The following N4BP1 variants were observed in gnomAD, a reference collection of about 807,000 sequenced individuals.
N4BP1 encodes the protein NEDD4-binding protein 1.
In N4BP1, 21 loss-of-function variants were observed where a neutral mutation model predicts 70.9. That is an observed-to-expected ratio of 0.30 (90% CI 0.21 to 0.43). The LOEUF (loss-of-function observed/expected upper bound fraction) is 0.43, where lower values mean the gene tolerates loss of function less well. N4BP1 is among the 20% of genes least tolerant of loss of function. The pLI is 1.00. For synonymous variants in N4BP1, 387 were observed against 394.6 expected (o/e 0.98, Z 0.23); for missense variants, 936 against 1,069.4 (o/e 0.88, Z 1.74).
At chr16:48,597,674 T>A (rs905195111) in intron 1 of N4BP1, among the ~76,000 whole-genome samples, 4 of 152,118 alleles carry the variant, frequency 2.6e-5, no homozygotes, top group Non-Finnish European at 4.4e-5. Flanking sequence ...ATGAATGATA[T>A]CTACACTTTG....
At chr16:48,581,210 C>CA (rs1964170376) in intron 1 of N4BP1, among the ~76,000 whole-genome samples, 3 of 149,858 alleles carry the variant, frequency 2.0e-5, no homozygotes, top group Non-Finnish European at 3.0e-5. Flanking sequence ...CAATGAATGC[C>CA]AAAAAAGCAT....
intron 1 of N4BP1, among the ~76,000 whole-genome samples, chr16:48,589,013 T>A (rs1273468567): frequency 6.6e-6 from 1 of 152,198 alleles, no homozygotes; most frequent in Non-Finnish European, 1.5e-5. Context: ...TTGCTTGACA[T>A]ATTTACATTA....
intron 4 of N4BP1, among the ~76,000 whole-genome samples, chr16:48,550,212 T>C (rs1399580910): frequency 6.6e-6 from 1 of 152,242 alleles, no homozygotes; most frequent in African/African-American, 2.4e-5. Context: ...AATAAAGTTT[T>C]TAGAAAAAAT....
At chr16:48,587,299 AG>A (rs1964259653) in intron 1 of N4BP1, 1 of 152,224 alleles carries the variant, frequency 6.6e-6, no homozygotes, top group African/African-American at 2.4e-5. Context: ...ACTACACCAA[AG>A]GATTCAGTCG....
At position 48,609,170 on chromosome 16, in the gene N4BP1, G is replaced by A. The variant is rs527537804; in HGVS notation, c.198+605C>T. ...GTCGAGGCTGCAGTGAACTGAGACC[G>A]CGCCACACTGCACTCCACTGTGGGT... is the stretch of plus-strand genomic sequence containing the variant. On this transcript the variant is annotated intron_variant, in intron 1 of 6. Coordinates refer to ENST00000262384, the MANE Select transcript of N4BP1 (RefSeq NM_153029.4). Among the ~76,000 whole-genome samples the A allele has an allele frequency of 2.0e-4, 30 of 152,234 alleles. No homozygotes were observed. In the South Asian group the frequency reaches 6.2e-3, roughly 32 times the overall value.
At chr16:48,573,597 CA>C (rs1179838353) in intron 1 of N4BP1, among the ~76,000 whole-genome samples, 1 of 151,704 alleles carries the variant, frequency 6.6e-6, no homozygotes, top group Non-Finnish European at 1.5e-5. Flanking sequence ...TGTCTCAAAA[CA>C]AAAAACAAAC....
chr16:48,550,376 G>A lies in N4BP1; in HGVS notation c.2117+1010C>T, dbSNP rs116344259. On this transcript the variant is annotated intron_variant, in intron 4 of 6. Transcript: ENST00000262384. ...AAAAATACAAAAATTAGCCAGGCCT[G>A]TGGTGGTACATGCCTGTAATCCCAG... Among the ~76,000 whole-genome samples the A allele has an allele frequency of 7.5e-3, 1,134 of 152,136 alleles. 13 individuals are homozygous for A. Among genetic ancestry groups the A allele is most frequent in the African/African-American group, 0.026 (1,083 of 41,488 alleles).
intron 1 of N4BP1, among the ~76,000 whole-genome samples, chr16:48,564,264 G>A (rs1027358513): frequency 6.6e-6 from 1 of 152,128 alleles, no homozygotes; most frequent in Non-Finnish European, 1.5e-5. Context: ...TCTTCACCAA[G>A]CCTGGGGTAC....
chr16:48,548,705 C>T (rs916812888), intron 4 of N4BP1, among the ~76,000 whole-genome samples: 6 of 151,840 alleles, frequency 4.0e-5, no homozygotes, highest in Admixed American at 6.6e-5. Flanking sequence ...AAAAATTAGC[C>T]GGGTGTTCCC....
intron 2 of N4BP1, among the ~76,000 whole-genome samples, chr16:48,555,596 A>G (rs1268328771): frequency 1.3e-5 from 2 of 152,250 alleles, no homozygotes; most frequent in Non-Finnish European, 2.9e-5. Flanking sequence ...TTGTTTATCT[A>G]AAGGCATTCA....
At chr16:48,546,279 T>C (rs777251339) in intron 5 of N4BP1, 25 bp from the exon 6 acceptor site, 2 of 1,537,790 alleles carry the variant, frequency 1.3e-6, no homozygotes, top group African/African-American at 2.8e-5. Context: ...ACCATGAGGC[T>C]GAGAGACAGG....
chr16:48,570,032 A>T (rs1206463794), intron 1 of N4BP1, among the ~76,000 whole-genome samples: 2 of 152,072 alleles, frequency 1.3e-5, no homozygotes, highest in Non-Finnish European at 2.9e-5. Context: ...CAGAGAGAAA[A>T]ATCAATGGAG....
At chr16:48,558,336 G>A (rs1278101728) in intron 2 of N4BP1, among the ~76,000 whole-genome samples, 4 of 151,136 alleles carry the variant, frequency 2.6e-5, no homozygotes, top group African/African-American at 9.7e-5. Flanking sequence ...AAAGCTTGCA[G>A]CTTTCCCTTA....
At chr16:48,563,055 CT>C (rs1454100573) in intron 1 of N4BP1, among the ~76,000 whole-genome samples, 1 of 151,738 alleles carries the variant, frequency 6.6e-6, no homozygotes, top group East Asian at 1.9e-4. Context: ...GAAAACCAGA[CT>C]GTTAAATTAA....
At chr16:48,546,744 G>C (rs756818905) in intron 5 of N4BP1, among the ~76,000 whole-genome samples, 3 of 152,288 alleles carry the variant, frequency 2.0e-5, no homozygotes, top group Admixed American at 6.5e-5. Flanking sequence ...ATCATATCAG[G>C]GGAAAACAGA....
intron 4 of N4BP1, among the ~76,000 whole-genome samples, chr16:48,549,456 C>T (rs1963634555): frequency 6.6e-6 from 1 of 152,180 alleles, no homozygotes; most frequent in Admixed American, 6.5e-5. Flanking sequence ...AGAGCTTAGT[C>T]TGCATACTTG....
chr16:48,547,887 TC>T lies in N4BP1; in HGVS notation c.2225+119del, dbSNP rs1300187553. On this transcript the variant is annotated intron_variant, in intron 5 of 6. Coordinates refer to ENST00000262384, the MANE Select transcript of N4BP1 (RefSeq NM_153029.4). ...GCAGCACAGTCTTATGATACTTTGGTCCCCTATATTGCCTTCTGTGGAGCCA... is the reference window on the plus strand; with the variant it reads ...GCAGCACAGTCTTATGATACTTTGGTCCCTATATTGCCTTCTGTGGAGCCA... The T allele has an allele frequency of 2.0e-5, 13 of 662,632 alleles. No homozygotes were observed. The East Asian group carries it at 3.5e-4, about 18-fold the overall frequency. The allele number at this position is 662,632 out of a possible 1,614,324, so 41.0% of individuals were successfully genotyped here. A position where few individuals can be genotyped will look rare whatever the true frequency, so the allele number is the denominator to read the frequency against.
At position 48,538,928 on chromosome 16, in the gene N4BP1, CACA is replaced by C. The variant is rs1408955943; in HGVS notation, c.*3973_*3975del. The C allele has an allele frequency of 2.0e-5, 3 of 152,246 alleles. No individual in the cohort carries two copies. Among genetic ancestry groups the C allele is most frequent in the African/African-American group, 4.8e-5 (2 of 41,436 alleles). The allele number at this position is 152,246 out of a possible 1,614,324, so 9.4% of individuals were successfully genotyped here. ...AGCGAGACACAAAGTGCTGTGCGGT[CACA>C]ACATCATGGGGATGCTTCTGGCAGA... On this transcript the variant is annotated 3_prime_UTR_variant, in exon 7 of 7. Transcript: ENST00000262384.
intron 4 of N4BP1, among the ~76,000 whole-genome samples, chr16:48,548,786 GC>G (rs369238465): frequency 6.8e-6 from 1 of 147,478 alleles, no homozygotes; most frequent in African/African-American, 2.5e-5. Flanking sequence ...GGTGCAGTGA[GC>G]CAAGATCGTG....
Sources: allele counts gnomAD v4.1 joint callset (sites outside exome capture counted in the v4.1 genomes callset), GRCh38; gene constraint gnomAD v4.1.1; transcripts MANE v1.5; gene names NCBI Gene and HGNC (gene_info 2026-07-23, HGNC 2026-07-21).